Variants in HCN3 observed in about 807,000 individuals in gnomAD.
HCN3 encodes potassium/sodium hyperpolarization-activated cyclic nucleotide-gated channel 3.
In HCN3, 36 loss-of-function variants were observed where a neutral mutation model predicts 56.8. The ratio of observed to expected loss-of-function variants is 0.63; its 90% CI spans 0.49 to 0.84. The LOEUF (loss-of-function observed/expected upper bound fraction) is 0.84, where lower values mean the gene tolerates loss of function less well. Among genes scored for constraint, HCN3 ranks in the 40% least tolerant of loss-of-function variants. HCN3 has a pLI of 0.00. For synonymous variants in HCN3, 425 were observed against 439.7 expected, an observed-to-expected ratio of 0.97 and a Z score of 0.42; for missense variants, 930 against 1,079.3, an observed-to-expected ratio of 0.86 and a Z score of 1.94.
Position 155,282,452 on chromosome 1 carries a change from A to C in HCN3, c.320A>C (p.Asn107Thr), listed in dbSNP as rs1674095614. 2 of 1,614,082 alleles carry C rather than the reference A, an allele frequency of 1.2e-6. No homozygotes were observed. The highest frequency in any genetic ancestry group is 1.7e-6 in the Non-Finnish European group (2 of 1,180,040). The change falls in exon 2 of 8, where the codon AAC (asparagine) becomes ACC (threonine). Residue 107 changes from asparagine (N) to threonine (T), a missense_variant. Transcript: ENST00000368358. The surrounding 1 kb of genome is among the most constrained non-coding windows in gnomAD (Gnocchi z 4.7). ...ATCATGCTGCTGCTGATGGTGGGGA[A>C]CCTCATCGTCCTGCCTGTGGGCATC... ...DLIMLLLMVG[N>T]LIVLPVGITF...
In HCN3 at chr1:155,284,232, A is replaced by T. The variant is rs114326234; in HGVS notation, c.870+97A>T. On this transcript the variant is annotated intron_variant, in intron 3 of 7. Transcript: ENST00000368358. This position sits in a 1 kb window ranked among gnomAD's most constrained non-coding sequence, Gnocchi z 4.3. ...CACAGGGAGCAGGAGGTGGGAGATG[A>T]TCACAACAGAAAATAGGAGCGAGGA... The T allele has an allele frequency of 2.8e-6, 4 of 1,413,796 alleles. No homozygotes were observed. The highest frequency in any genetic ancestry group is 3.9e-6 in the Non-Finnish European group (4 of 1,027,430). 87.6% of individuals were successfully genotyped at this position (1,413,796 alleles called of 1,614,324 possible). A position where few individuals can be genotyped will look rare whatever the true frequency, so the allele number is the denominator to read the frequency against.
In HCN3 at chr1:155,285,027, G is replaced by C; in HGVS notation, c.1090-138G>C. ...ATTATCCGTATTCCTCTGTGGCCCT[G>C]TGTATCCATGTCTGGTTCCACGTTT... On this transcript the variant is annotated intron_variant, in intron 4 of 7. Transcript: ENST00000368358. The surrounding 1 kb of genome is among the most constrained non-coding windows in gnomAD (Gnocchi z 4.5). The C allele has an allele frequency of 1.0e-6, 1 of 977,042 alleles. No individual in the cohort carries two copies. The highest frequency in any genetic ancestry group is 2.4e-5 in the East Asian group (1 of 40,872). The allele number at this position is 977,042 out of a possible 1,614,324, so 60.5% of individuals were successfully genotyped here. A position where few individuals can be genotyped will look rare whatever the true frequency, so the allele number is the denominator to read the frequency against.
intron 1 of HCN3, among the ~76,000 whole-genome samples, chr1:155,280,747 T>C: frequency 9.0e-6 from 1 of 111,358 alleles, no homozygotes. Context: ...TATTTTTTTT[T>C]TTTTTTTTTT....
rs1056892723 is a variant in HCN3 at position 155,280,728 on chromosome 1, A to G, written c.279-1683A>G. On this transcript the variant is annotated intron_variant, in intron 1 of 7. Transcript: ENST00000368358. ...GCTGGGATTACAGGCGTGAGCCACC[A>G]CGCCCAGCTATTTTTTTTTTTTTTT... Among the ~76,000 whole-genome samples the G allele has an allele frequency of 9.4e-3, 1,003 of 106,880 alleles. 17 individuals are homozygous for G. The highest frequency in any genetic ancestry group is 0.034 in the African/African-American group (938 of 27,538). The allele number at this position is 106,880 out of a possible 152,430, so 70.1% of individuals were successfully genotyped here. A position where few individuals can be genotyped will look rare whatever the true frequency, so the allele number is the denominator to read the frequency against.
At position 155,282,325 on chromosome 1, in the gene HCN3, C is replaced by G; in HGVS notation, c.279-86C>G. On this transcript the variant is annotated intron_variant, in intron 1 of 7. Coordinates refer to ENST00000368358, the MANE Select transcript of HCN3 (RefSeq NM_020897.3). This position sits in a 1 kb window ranked among gnomAD's most constrained non-coding sequence, Gnocchi z 4.7. ...CTGTTATTGTGTATCTTTGCCCATT[C>G]TTGGCCATGTCAGCCTATCTTCTGT... The G allele has an allele frequency of 7.7e-7, 1 of 1,294,800 alleles. No individual in the cohort carries two copies. Among genetic ancestry groups the G allele is most frequent in the East Asian group, 2.3e-5 (1 of 43,130 alleles). 80.2% of individuals were successfully genotyped at this position (1,294,800 alleles called of 1,614,324 possible). A position where few individuals can be genotyped will look rare whatever the true frequency, so the allele number is the denominator to read the frequency against.
chr1:155,279,764 C>A (rs1673946149), intron 1 of HCN3, among the ~76,000 whole-genome samples: 3 of 151,980 alleles, frequency 2.0e-5, no homozygotes, highest in Non-Finnish European at 2.9e-5. Flanking sequence ...AGTGCCTGTA[C>A]CACACTGTCA....
rs781315189 is a variant in HCN3, at chr1:155,285,867, C to T, written c.1380C>T (p.Ser460=). 54 of 1,614,074 alleles carry T rather than the reference C, an allele frequency of 3.3e-5. No homozygotes were observed. The highest frequency in any genetic ancestry group is 4.2e-5 in the Non-Finnish European group (49 of 1,180,024). The change falls in exon 6 of 8, where the codon TCC becomes TCT. Residue 460 remains serine (S), a synonymous_variant. Coordinates refer to ENST00000368358, the MANE Select transcript of HCN3 (RefSeq NM_020897.3). The surrounding 1 kb of genome is among the most constrained non-coding windows in gnomAD (Gnocchi z 4.5). The part of the protein sequence containing the change: ...QPGDLVVREG[S]VGRKMYFIQH... Reference sequence around the variant, plus strand: ...GGGATCTCGTGGTGCGTGAGGGCTCCGTGGGGAGGAAGATGTACTTCATCC... The same window carrying T: ...GGGATCTCGTGGTGCGTGAGGGCTCTGTGGGGAGGAAGATGTACTTCATCC...
In HCN3 at chr1:155,288,551, T is replaced by G; in HGVS notation, c.*88T>G. On this transcript the variant is annotated 3_prime_UTR_variant, in exon 8 of 8. Transcript: ENST00000368358. This position sits in a 1 kb window ranked among gnomAD's most constrained non-coding sequence, Gnocchi z 6.5. ...CCTCTTGGGGAAGGCCATGGGGACCTGAAACATTGCCCCATGGAAATGTCG... is the reference window on the plus strand; with the variant it reads ...CCTCTTGGGGAAGGCCATGGGGACCGGAAACATTGCCCCATGGAAATGTCG... The G allele has an allele frequency of 2.0e-6, 3 of 1,469,334 alleles. No homozygotes were observed. The highest frequency in any genetic ancestry group is 2.7e-6 in the Non-Finnish European group (3 of 1,094,222). The allele number at this position is 1,469,334 out of a possible 1,614,324, so 91.0% of individuals were successfully genotyped here.
chr1:155,282,693 C>T lies in HCN3; in HGVS notation c.561C>T (p.Phe187=). The change falls in exon 2 of 8, where the codon TTC becomes TTT. Residue 187 remains phenylalanine (F), a synonymous_variant. Transcript: ENST00000368358. This position sits in a 1 kb window ranked among gnomAD's most constrained non-coding sequence, Gnocchi z 4.7. ...LISSIPVDYI[F]LVVELEPRLD... ...CTTCTATCCCTGTGGATTACATCTTCCTAGTGGTGGAGCTGGAGCCACGGT... is the reference window on the plus strand; with the variant it reads ...CTTCTATCCCTGTGGATTACATCTTTCTAGTGGTGGAGCTGGAGCCACGGT... 1.2e-6 allele frequency: 2 copies of T among 1,614,242 alleles called. No individual in the cohort carries two copies. The highest frequency in any genetic ancestry group is 2.2e-5 in the South Asian group (2 of 91,088).
intron 1 of HCN3, among the ~76,000 whole-genome samples, chr1:155,279,030 G>A (rs1673918863): frequency 1.3e-5 from 2 of 152,174 alleles, no homozygotes; most frequent in South Asian, 4.1e-4. Flanking sequence ...TCACAATACA[G>A]GATTCCTCCT....
chr1:155,285,860 AGGGCTCCGTG>A lies in HCN3; in HGVS notation c.1377_1386del (p.Ser460GlyfsTer35). 1 of 1,614,162 alleles carries A rather than the reference AGGGCTCCGTG, an allele frequency of 6.2e-7. No homozygotes were observed. The highest frequency in any genetic ancestry group is 1.3e-5 in the African/African-American group (1 of 75,032). On this transcript the variant is annotated frameshift_variant, in exon 6 of 8. Transcript: ENST00000368358. LOFTEE classifies it high-confidence loss of function. The surrounding 1 kb of genome is among the most constrained non-coding windows in gnomAD (Gnocchi z 4.5). ...CAGCCGGGGGATCTCGTGGTGCGTGAGGGCTCCGTGGGGAGGAAGATGTACTTCATCCAGC... is the reference window on the plus strand; with the variant it reads ...CAGCCGGGGGATCTCGTGGTGCGTGAGGGAGGAAGATGTACTTCATCCAGC...
chr1:155,281,612 G>A (rs1237753545), intron 1 of HCN3, among the ~76,000 whole-genome samples: 2 of 152,044 alleles, frequency 1.3e-5, no homozygotes, highest in East Asian at 1.9e-4. Flanking sequence ...CAGGTGATCC[G>A]CCAGTCTCAG....
chr1:155,288,667 C>A lies in HCN3; in HGVS notation c.*204C>A. On this transcript the variant is annotated 3_prime_UTR_variant, in exon 8 of 8. Coordinates refer to ENST00000368358, the MANE Select transcript of HCN3 (RefSeq NM_020897.3). This position sits in a 1 kb window ranked among gnomAD's most constrained non-coding sequence, Gnocchi z 6.5. ...GTAGCTTGTCCCATCATAATCCATT[C>A]ACCCGTTCATCATGTGTACTGAGCA... is the stretch of plus-strand genomic sequence containing the variant. 1.5e-6 allele frequency: 1 copy of A among 650,556 alleles called. No homozygotes were observed. Among genetic ancestry groups the A allele is most frequent in the Non-Finnish European group, 2.5e-6 (1 of 393,918 alleles). The allele number at this position is 650,556 out of a possible 1,614,324, so 40.3% of individuals were successfully genotyped here. A position where few individuals can be genotyped will look rare whatever the true frequency, so the allele number is the denominator to read the frequency against.
Position 155,284,982 on chromosome 1 carries a change from G to C in HCN3, c.1090-183G>C, listed in dbSNP as rs1674218380. Among the ~76,000 whole-genome samples the C allele has an allele frequency of 6.6e-6, 1 of 152,174 alleles. No homozygotes were observed. Among genetic ancestry groups the C allele is most frequent in the South Asian group, 2.1e-4 (1 of 4,832 alleles). ...CTGGGTTTTCCTATGACTGTGCTCTGTGTCTTCCCGGTATCCATCATTATC... is the reference window on the plus strand; with the variant it reads ...CTGGGTTTTCCTATGACTGTGCTCTCTGTCTTCCCGGTATCCATCATTATC... On this transcript the variant is annotated intron_variant, in intron 4 of 7. Coordinates refer to ENST00000368358, the MANE Select transcript of HCN3 (RefSeq NM_020897.3). The surrounding 1 kb of genome is among the most constrained non-coding windows in gnomAD (Gnocchi z 4.3).
chr1:155,287,486 G>A, intron 7 of HCN3, 149 bp downstream of exon 7: 1 of 962,836 alleles, frequency 1.0e-6, no homozygotes, highest in Non-Finnish European at 1.5e-6. Flanking sequence ...TCAACACTGT[G>A]GCCCACTGTC....
intron 1 of HCN3, among the ~76,000 whole-genome samples, chr1:155,281,949 CT>C (rs1478800361): frequency 6.6e-6 from 1 of 152,150 alleles, no homozygotes; most frequent in African/African-American, 2.4e-5. Flanking sequence ...CTGTTTCTTG[CT>C]TCTTTTGCTC....
At chr1:155,287,021 A>G (rs1416145972) in intron 6 of HCN3, 152 bp from the exon 7 acceptor site, 9 of 793,870 alleles carry the variant, frequency 1.1e-5, no homozygotes, top group Admixed American at 5.3e-5. Context: ...TGGGGTGTTT[A>G]GGGTTCCTGG....
In HCN3 at chr1:155,277,526, G is replaced by T. The variant is rs1557942809; in HGVS notation, c.-65G>T. The T allele has an allele frequency of 2.0e-6, 3 of 1,486,146 alleles. No individual in the cohort carries two copies. The highest frequency in any genetic ancestry group is 2.7e-6 in the Non-Finnish European group (3 of 1,116,292). The allele number at this position is 1,486,146 out of a possible 1,614,324, so 92.1% of individuals were successfully genotyped here. ...GCTGCGCCGACTCCTGCTCTGGAGG[G>T]GTTGCGGGTACCTGATGGCCACAGA... On this transcript the variant is annotated 5_prime_UTR_variant, in exon 1 of 8. Coordinates refer to ENST00000368358, the MANE Select transcript of HCN3 (RefSeq NM_020897.3).
In HCN3 at chr1:155,284,493, C is replaced by T. The variant is rs766292477; in HGVS notation, c.871-46C>T. 9 of 1,554,728 alleles carry T rather than the reference C, an allele frequency of 5.8e-6. No homozygotes were observed. Among genetic ancestry groups the T allele is most frequent in the African/African-American group, 1.4e-5 (1 of 73,774 alleles). On this transcript the variant is annotated intron_variant, in intron 3 of 7. Transcript: ENST00000368358. The surrounding 1 kb of genome is among the most constrained non-coding windows in gnomAD (Gnocchi z 4.3). ...GAAAAGGGGCAGGCAGAGAATGAGG[C>T]TCCGAGGGGCCCATGCCCAGCTCTG...
Sources: allele counts gnomAD v4.1 joint callset (sites outside exome capture counted in the v4.1 genomes callset), GRCh38; gene constraint gnomAD v4.1.1; non-coding constraint Gnocchi (gnomAD v3.1); transcripts MANE v1.5; gene names NCBI Gene and HGNC (gene_info 2026-07-23, HGNC 2026-07-21).